Variants in SLIT1 observed in about 807,000 individuals in gnomAD.
SLIT1 encodes the protein slit guidance ligand 1.
In SLIT1, 66 loss-of-function variants were observed where a neutral mutation model predicts 186.1. That is an observed-to-expected ratio of 0.35 (90% CI 0.29 to 0.44). The LOEUF (loss-of-function observed/expected upper bound fraction) is 0.44. SLIT1 is among the 20% of genes least tolerant of loss of function. The pLI, the probability that SLIT1 is intolerant of heterozygous loss-of-function variation, is 1.00. For synonymous variants in SLIT1, 761 were observed against 833.8 expected (o/e 0.91, Z 1.50); for missense variants, 1,638 against 2,037.4 (o/e 0.80, Z 3.77).
chr10:97,024,458 C>A (rs1013783406), intron 25 of SLIT1, among the ~76,000 whole-genome samples: 3 of 152,212 alleles, frequency 2.0e-5, no homozygotes, highest in East Asian at 3.8e-4. Context: ...GCTGAGGGAA[C>A]AACACAGCTC....
At chr10:97,037,082 GTGTGTGTGTGTGTGTGTA>G (rs1438723238) in intron 22 of SLIT1, among the ~76,000 whole-genome samples, 5 of 150,334 alleles carry the variant, frequency 3.3e-5, no homozygotes, top group Non-Finnish European at 5.9e-5. Flanking sequence ...GTGTGTGTGT[GTGTGTGTGTGTGTGTGTA>G]TGTGTGTGTG....
intron 4 of SLIT1, among the ~76,000 whole-genome samples, chr10:97,119,943 A>G (rs1319664891): frequency 2.2e-5 from 3 of 135,424 alleles, no homozygotes; most frequent in East Asian, 2.2e-4. Flanking sequence ...ATATATATAT[A>G]TATGTATATG....
At chr10:97,141,993 CT>C (rs1329514897) in intron 4 of SLIT1, among the ~76,000 whole-genome samples, 2 of 151,986 alleles carry the variant, frequency 1.3e-5, no homozygotes, top group Non-Finnish European at 2.9e-5. Flanking sequence ...GAGTAAGGGT[CT>C]CACTGATCTC....
intron 5 of SLIT1, among the ~76,000 whole-genome samples, 184 bp from the exon 6 acceptor site, chr10:97,065,060 G>T (rs1429627076): frequency 1.3e-5 from 2 of 152,092 alleles, no homozygotes; most frequent in Non-Finnish European, 2.9e-5. Flanking sequence ...CTAATTTTCA[G>T]TTAAAATCAT....
chr10:97,073,458 G>C (rs1281059440), intron 4 of SLIT1, among the ~76,000 whole-genome samples: 2 of 152,218 alleles, frequency 1.3e-5, no homozygotes, highest in Non-Finnish European at 2.9e-5. Context: ...GCCCAGGGCA[G>C]CCAGGGCCTG....
At chr10:97,070,715 C>G (rs1033917332) in intron 4 of SLIT1, among the ~76,000 whole-genome samples, 2 of 152,228 alleles carry the variant, frequency 1.3e-5, no homozygotes, top group African/African-American at 4.8e-5. Flanking sequence ...CCGGAAGCAG[C>G]CTTCACCACA....
At chr10:97,062,056 A>T (rs1848898303) in intron 8 of SLIT1, among the ~76,000 whole-genome samples, 1 of 152,268 alleles carries the variant, frequency 6.6e-6, no homozygotes, top group African/African-American at 2.4e-5. Flanking sequence ...ACGGTCTTCC[A>T]AATGCAAAGG....
chr10:97,070,289 G>A (rs752167663), intron 4 of SLIT1, among the ~76,000 whole-genome samples: 1 of 152,314 alleles, frequency 6.6e-6, no homozygotes, highest in East Asian at 1.9e-4. Context: ...CTCATCCAGC[G>A]TTGCTTTGAG....
rs114060617 is a variant in SLIT1, at chr10:97,056,912, C to G, written c.1157+298G>C. On this transcript the variant is annotated intron_variant, in intron 12 of 36. Transcript: ENST00000266058. ...AGGCCGAGCTGGCCTGGGTGTCCCC[C>G]CTGCAGGAGAAAGCTCTGTCCCCAG... 2.2e-3 allele frequency among the ~76,000 whole-genome samples: 329 copies of G among 152,286 alleles called. 2 individuals are homozygous for G. Among genetic ancestry groups the G allele is most frequent in the African/African-American group, 7.8e-3 (323 of 41,560 alleles).
chr10:97,079,037 G>C (rs909650845), intron 4 of SLIT1, among the ~76,000 whole-genome samples: 3 of 152,200 alleles, frequency 2.0e-5, no homozygotes, highest in Non-Finnish European at 4.4e-5. Flanking sequence ...CATGAGCTTT[G>C]GAGCCAGAAA....
rs1055207361 is a variant in SLIT1 at position 97,001,007 on chromosome 10, C to T, written c.*105G>A. On this transcript the variant is annotated 3_prime_UTR_variant, in exon 37 of 37. Coordinates refer to ENST00000266058, the MANE Select transcript of SLIT1 (RefSeq NM_003061.3). ...CAGGAGGGCCCAGCTGCCCAGGAGC[C>T]GTCCTGTGATGACCTGCACCCCAGC... 3.1e-5 allele frequency: 27 copies of T among 877,090 alleles called. No individual in the cohort carries two copies. Among genetic ancestry groups the T allele is most frequent in the South Asian group, 1.9e-4 (12 of 61,788 alleles). The allele number at this position is 877,090 out of a possible 1,614,324, so 54.3% of individuals were successfully genotyped here. A position where few individuals can be genotyped will look rare whatever the true frequency, so the allele number is the denominator to read the frequency against.
chr10:97,149,829 C>T (rs998654235), intron 4 of SLIT1, among the ~76,000 whole-genome samples: 14 of 152,016 alleles, frequency 9.2e-5, no homozygotes, highest in Admixed American at 8.5e-4. Context: ...AGGTATTCCC[C>T]GAAAAAATAA....
intron 4 of SLIT1, among the ~76,000 whole-genome samples, chr10:97,070,983 C>T (rs529653178): frequency 1.3e-5 from 2 of 152,252 alleles, no homozygotes; most frequent in South Asian, 4.2e-4. Context: ...ACTACAGATG[C>T]TCTACGGGTG....
At chr10:97,018,511 G>A (rs1848473881) in intron 28 of SLIT1, 75 bp downstream of exon 28, 2 of 904,184 alleles carry the variant, frequency 2.2e-6, no homozygotes, top group African/African-American at 1.7e-5. Flanking sequence ...CATCCCTGAT[G>A]GAGAGGAGGG....
intron 9 of SLIT1, 65 bp from the exon 10 acceptor site, chr10:97,060,223 C>G: frequency 7.9e-7 from 1 of 1,260,848 alleles, no homozygotes; most frequent in Non-Finnish European, 1.2e-6. Flanking sequence ...GTGTTATCTG[C>G]TGGGCTCACC....
intron 1 of SLIT1, among the ~76,000 whole-genome samples, chr10:97,178,468 G>A (rs1167446831): frequency 6.6e-6 from 1 of 152,186 alleles, no homozygotes; most frequent in Middle Eastern, 3.2e-3. Context: ...AAGAAAGGCT[G>A]AGGAGCTCTT....
At chr10:97,016,311 A>G (rs1487835366) in intron 28 of SLIT1, among the ~76,000 whole-genome samples, 1 of 152,126 alleles carries the variant, frequency 6.6e-6, no homozygotes, top group African/African-American at 2.4e-5. Flanking sequence ...TCTGTCTCAA[A>G]AAAAAAAAAG....
intron 4 of SLIT1, among the ~76,000 whole-genome samples, chr10:97,130,761 A>G (rs547351656): frequency 3.0e-4 from 45 of 152,302 alleles, no homozygotes; most frequent in Non-Finnish European, 4.9e-4. Context: ...GGATTAAATG[A>G]GCTAATATGT....
At chr10:97,041,233 G>A (rs775291013) in intron 20 of SLIT1, among the ~76,000 whole-genome samples, 12 of 152,180 alleles carry the variant, frequency 7.9e-5, no homozygotes, top group Admixed American at 2.6e-4. Flanking sequence ...GCATTGGAGC[G>A]GGACTTGGGA....
Sources: gnomAD v4.1 joint callset for allele counts (sites outside exome capture counted in the v4.1 genomes callset) on GRCh38, gnomAD v4.1.1 for gene constraint, MANE v1.5 for transcripts, NCBI Gene and HGNC (gene_info 2026-07-23, HGNC 2026-07-21) for gene names.